The following ZNF705G variants were observed in gnomAD, a reference collection of about 807,000 sequenced individuals.
The protein encoded by ZNF705G is zinc finger protein 705G, also known as putative zinc finger protein 705G.
Under a neutral mutation model 19.6 loss-of-function variants are expected in ZNF705G, and 23 were observed. The ratio of observed to expected loss-of-function variants is 1.17; its 90% CI spans 0.84 to 1.66. The LOEUF is 1.66. Ranked by LOEUF, ZNF705G falls within the 40% of genes most tolerant of loss-of-function variation. The probability of loss-of-function intolerance (pLI) is 0.00; values close to 1 mark genes in which losing one functional copy is unlikely to be tolerated. For missense variants in ZNF705G, 457 were observed against 354.4 expected, an observed-to-expected ratio of 1.29 and a Z score of -2.32; for synonymous variants, 146 against 117.7, an observed-to-expected ratio of 1.24 and a Z score of -1.56.
intron 1 of ZNF705G, among the ~76,000 whole-genome samples, chr8:7,382,247 C>T (rs1445594284): frequency 2.7e-5 from 4 of 149,372 alleles, no homozygotes; most frequent in Non-Finnish European, 4.4e-5. Context: ...ATTCCTGATT[C>T]AAATGTTCAA....
In ZNF705G at chr8:7,382,404, G is replaced by A. The variant is rs184958713; in HGVS notation, c.-221-803C>T. ...TTTCTGCTTATGGCTCTGAGGTTTG[G>A]TGCCTTTTTTCCCCAGAATAAATTA... On this transcript the variant is annotated intron_variant, in intron 1 of 6. Transcript: ENST00000400156. 3.2e-3 allele frequency among the ~76,000 whole-genome samples: 468 copies of A among 146,456 alleles called. 5 individuals carry two copies. The highest frequency in any genetic ancestry group is 4.4e-3 in the Admixed American group (67 of 15,142).
chr8:7,384,886 A>G (rs1807661321), intron 1 of ZNF705G, among the ~76,000 whole-genome samples: 1 of 146,462 alleles, frequency 6.8e-6, no homozygotes, highest in Non-Finnish European at 1.5e-5. Context: ...CTTAGTTGAC[A>G]TAACTTTTAT....
intron 5 of ZNF705G, among the ~76,000 whole-genome samples, 151 bp from the exon 6 acceptor site, chr8:7,359,852 T>C (rs942556690): frequency 2.0e-5 from 3 of 149,646 alleles, no homozygotes; most frequent in Admixed American, 2.0e-4. Context: ...AAGAAATAGA[T>C]TGTACAGTGT....
At chr8:7,384,496 C>T (rs1249011094) in intron 1 of ZNF705G, among the ~76,000 whole-genome samples, 1 of 145,962 alleles carries the variant, frequency 6.9e-6, no homozygotes, top group East Asian at 1.9e-4. Context: ...TAGAGAAATG[C>T]AAATGAACCT....
intron 2 of ZNF705G, among the ~76,000 whole-genome samples, chr8:7,367,364 T>C (rs1232515207): frequency 6.7e-6 from 1 of 149,364 alleles, no homozygotes; most frequent in Non-Finnish European, 1.5e-5. Flanking sequence ...GGTCTACACC[T>C]GTTAACATCA....
chr8:7,381,030 A>T (rs1278775208), intron 2 of ZNF705G, among the ~76,000 whole-genome samples: 1 of 118,692 alleles, frequency 8.4e-6, no homozygotes, highest in Non-Finnish European at 1.6e-5. Context: ...CACCACCAAA[A>T]AAAAAAAAAA....
At position 7,379,414 on chromosome 8, in the gene ZNF705G, G is replaced by C. The variant is rs1280928153; in HGVS notation, c.-72+2038C>G. Among the ~76,000 whole-genome samples, 43 of 147,396 alleles carry C rather than the reference G, an allele frequency of 2.9e-4. 1 individual carries two copies. The highest frequency in any genetic ancestry group is 5.3e-4 in the Admixed American group (8 of 15,200). On this transcript the variant is annotated intron_variant, in intron 2 of 6. Coordinates refer to ENST00000400156, the MANE Select transcript of ZNF705G (RefSeq NM_001164457.3). Reference sequence around the variant, plus strand: ...ACACGTATATTAAAGCCGTCACATAGAATATTATCCTCTCATTGCTAGGAG... The same window carrying C: ...ACACGTATATTAAAGCCGTCACATACAATATTATCCTCTCATTGCTAGGAG...
At chr8:7,365,384 T>C (rs1301419294) in intron 2 of ZNF705G, among the ~76,000 whole-genome samples, 1 of 146,074 alleles carries the variant, frequency 6.8e-6, no homozygotes, top group East Asian at 1.9e-4. Context: ...TATTTTTTTT[T>C]TTTTTTTTTT....
In ZNF705G at chr8:7,365,506, G is replaced by A. The variant is rs1248994159; in HGVS notation, c.-71-2489C>T. On this transcript the variant is annotated intron_variant, in intron 2 of 6. Coordinates refer to ENST00000400156, the MANE Select transcript of ZNF705G (RefSeq NM_001164457.3). ...CAATTCTCCAGCCTCAGCCTCCTGA[G>A]TAGCTGGGATGACAGGCTTGCGCCA... Among the ~76,000 whole-genome samples, 4 of 148,436 alleles carry A rather than the reference G, an allele frequency of 2.7e-5. 2 individuals carry two copies. The highest frequency in any genetic ancestry group is 1.0e-4 in the African/African-American group (4 of 38,102).
At chr8:7,364,384 T>C (rs1369289061) in intron 2 of ZNF705G, among the ~76,000 whole-genome samples, 2 of 149,856 alleles carry the variant, frequency 1.3e-5, no homozygotes, top group South Asian at 4.2e-4. Context: ...AAGAGTAACT[T>C]TGTATTAATT....
At chr8:7,359,301 T>C (rs1337321803) in intron 6 of ZNF705G, among the ~76,000 whole-genome samples, 1 of 149,652 alleles carries the variant, frequency 6.7e-6, no homozygotes, top group East Asian at 1.9e-4. Flanking sequence ...ATACACATTA[T>C]CTCCTGCAGA....
chr8:7,363,420 C>T (rs62636817), intron 2 of ZNF705G, among the ~76,000 whole-genome samples: 604 of 136,450 alleles, frequency 4.4e-3, no homozygotes, highest in African/African-American at 0.013. Context: ...GCCCTAGCAA[C>T]GTTTCTCCAA....
In ZNF705G at chr8:7,367,396, C is replaced by T. The variant is rs1470966530; in HGVS notation, c.-71-4379G>A. On this transcript the variant is annotated intron_variant, in intron 2 of 6. Coordinates refer to ENST00000400156, the MANE Select transcript of ZNF705G (RefSeq NM_001164457.3). Reference sequence around the variant, plus strand: ...ATCAAAAATGTGAGTTAAATGCAGACCCCAGGAAGAAGCAACTTCTTGGGC... The same window carrying T: ...ATCAAAAATGTGAGTTAAATGCAGATCCCAGGAAGAAGCAACTTCTTGGGC... 1.3e-5 allele frequency among the ~76,000 whole-genome samples: 2 copies of T among 149,344 alleles called. 1 individual carries two copies. The highest frequency in any genetic ancestry group is 5.2e-5 in the African/African-American group (2 of 38,778).
chr8:7,365,728 T>C (rs1377600230), intron 2 of ZNF705G, among the ~76,000 whole-genome samples: 2 of 149,504 alleles, frequency 1.3e-5, no homozygotes, highest in African/African-American at 2.6e-5. Flanking sequence ...ATTACCTTAA[T>C]ATTTTAAGGA....
rs1335165145 is a variant in ZNF705G, at chr8:7,371,258, A to G, written c.-71-8241T>C. Among the ~76,000 whole-genome samples the G allele has an allele frequency of 2.2e-4, 23 of 103,004 alleles. 3 individuals are homozygous for G. The highest frequency in any genetic ancestry group is 7.7e-4 in the African/African-American group (23 of 29,756). The allele number at this position is 103,004 out of a possible 152,430, so 67.6% of individuals were successfully genotyped here. On this transcript the variant is annotated intron_variant, in intron 2 of 6. Transcript: ENST00000400156. ...GATTTCACTTGTATTTGAAATCTAA[A>G]ATCGACAAACTCACAAAAGCAGAGA...
chr8:7,384,593 C>T (rs1807649445), intron 1 of ZNF705G, among the ~76,000 whole-genome samples: 1 of 145,684 alleles, frequency 6.9e-6, no homozygotes. Flanking sequence ...TGGAATGTCT[C>T]AAAAAAATCC....
chr8:7,359,275 C>T (rs1435453180), intron 6 of ZNF705G, among the ~76,000 whole-genome samples: 1 of 149,640 alleles, frequency 6.7e-6, no homozygotes. Flanking sequence ...TGTCATTTTT[C>T]TCGATTGACA....
rs545589678 is a variant in ZNF705G, at chr8:7,375,428, T to C, written c.-72+6024A>G. 2.2e-5 allele frequency among the ~76,000 whole-genome samples: 2 copies of C among 91,248 alleles called. 1 individual carries two copies. Among genetic ancestry groups the C allele is most frequent in the Admixed American group, 2.5e-4 (2 of 8,012 alleles). The allele number at this position is 91,248 out of a possible 152,430, so 59.9% of individuals were successfully genotyped here. ...TACATTTTCTTTATTCAATCCACTG[T>C]TGATGAACACCTAGTTTGATTCCAT... On this transcript the variant is annotated intron_variant, in intron 2 of 6. Coordinates refer to ENST00000400156, the MANE Select transcript of ZNF705G (RefSeq NM_001164457.3).
At chr8:7,380,289 G>T (rs1807430256) in intron 2 of ZNF705G, among the ~76,000 whole-genome samples, 1 of 146,346 alleles carries the variant, frequency 6.8e-6, no homozygotes, top group Non-Finnish European at 1.5e-5. Flanking sequence ...CCCACCCATT[G>T]CTGTCACTAC....
Sources: allele counts gnomAD v4.1 joint callset (sites outside exome capture counted in the v4.1 genomes callset), GRCh38; gene constraint gnomAD v4.1.1; transcripts MANE v1.5; gene names NCBI Gene and HGNC (gene_info 2026-07-23, HGNC 2026-07-21).